The following CNBD1 variants were observed in gnomAD, a reference collection of about 807,000 sequenced individuals.
The protein encoded by CNBD1 is cyclic nucleotide-binding domain-containing protein 1.
CNBD1 carries 71 observed loss-of-function variants against 54.4 expected under a neutral mutation model. The ratio of observed to expected loss-of-function variants is 1.30; its 90% CI spans 1.08 to 1.59. CNBD1 has a LOEUF of 1.59. CNBD1 is among the 40% of genes most tolerant of loss of function. The probability of loss-of-function intolerance (pLI) is 0.00; values close to 1 mark genes in which losing one functional copy is unlikely to be tolerated. For missense variants in CNBD1, 659 were observed against 518.0 expected, an observed-to-expected ratio of 1.27 and a Z score of -2.64; for synonymous variants, 182 against 170.7, an observed-to-expected ratio of 1.07 and a Z score of -0.51.
chr8:87,362,776 T>C lies in CNBD1; in HGVS notation c.1303+8990T>C, dbSNP rs1274431173. Among the ~76,000 whole-genome samples, 4 of 152,230 alleles carry C rather than the reference T, an allele frequency of 2.6e-5. No individual in the cohort carries two copies. In the South Asian group the frequency reaches 6.2e-4, roughly 24 times the overall value. On this transcript the variant is annotated intron_variant, in intron 10 of 10. Transcript: ENST00000518476. The stretch of plus-strand genomic sequence containing the variant: ...TCCTTTTAGATACCAATTTTGCTTT[T>C]CCAAGTCAGGTACATATAACACTGC...
At position 87,122,619 on chromosome 8, in the gene CNBD1, A is replaced by G. The variant is rs73693039; in HGVS notation, c.432-83374A>G. Among the ~76,000 whole-genome samples the G allele has an allele frequency of 6.5e-3, 988 of 151,920 alleles. 12 individuals are homozygous for G. The highest frequency in any genetic ancestry group is 0.023 in the African/African-American group (948 of 41,522). On this transcript the variant is annotated intron_variant, in intron 4 of 10. Transcript: ENST00000518476. ...GCCAAAAAAACTGTTGCCCAGACCA[A>G]TGTCATTTAGCATTCCAGGCCAATG...
At chr8:87,227,022 G>T (rs1489628076) in intron 5 of CNBD1, among the ~76,000 whole-genome samples, 1 of 150,588 alleles carries the variant, frequency 6.6e-6, no homozygotes, top group South Asian at 2.1e-4. Context: ...TTTGATCTTT[G>T]TTGGTTTGAA....
intron 4 of CNBD1, among the ~76,000 whole-genome samples, chr8:87,059,769 G>A: frequency 6.6e-6 from 1 of 152,198 alleles, no homozygotes; most frequent in Non-Finnish European, 1.5e-5. Context: ...TTAGATTTTG[G>A]CGTGGGCACA....
intron 8 of CNBD1, among the ~76,000 whole-genome samples, chr8:87,324,107 A>T (rs1809606755): frequency 8.1e-6 from 1 of 124,114 alleles, no homozygotes; most frequent in African/African-American, 3.0e-5. Context: ...GATTACATTT[A>T]TTGATTTGCC....
chr8:87,002,576 T>A (rs1371813735), intron 4 of CNBD1, among the ~76,000 whole-genome samples: 1 of 151,198 alleles, frequency 6.6e-6, no homozygotes, highest in African/African-American at 2.4e-5. Context: ...TTACTCTTAC[T>A]CATGCTGAAA....
intron 4 of CNBD1, among the ~76,000 whole-genome samples, chr8:86,942,368 C>A (rs1807341101): frequency 6.6e-6 from 1 of 152,176 alleles, no homozygotes; most frequent in Non-Finnish European, 1.5e-5. Flanking sequence ...TTTATCTGGT[C>A]CTCTGCTCAG....
intron 4 of CNBD1, among the ~76,000 whole-genome samples, chr8:86,971,311 TCA>T (rs1035411087): frequency 5.3e-5 from 8 of 152,096 alleles, no homozygotes; most frequent in African/African-American, 1.9e-4. Flanking sequence ...TTGTGAGAAC[TCA>T]CTCACTATTA....
intron 4 of CNBD1, among the ~76,000 whole-genome samples, chr8:86,996,550 G>C (rs1171437800): frequency 2.0e-5 from 3 of 152,164 alleles, no homozygotes; most frequent in African/African-American, 4.8e-5. Context: ...ATAGTAGCAG[G>C]CTGAATATTA....
rs548326655 is a variant in CNBD1 at position 87,266,521 on chromosome 8, G to A, written c.772-18157G>A. 3.7e-3 allele frequency among the ~76,000 whole-genome samples: 487 copies of A among 130,196 alleles called. 3 individuals are homozygous for A. The highest frequency in any genetic ancestry group is 0.013 in the African/African-American group (460 of 34,198). The allele number at this position is 130,196 out of a possible 152,430, so 85.4% of individuals were successfully genotyped here. A position where few individuals can be genotyped will look rare whatever the true frequency, so the allele number is the denominator to read the frequency against. On this transcript the variant is annotated intron_variant, in intron 6 of 10. Transcript: ENST00000518476. Reference sequence around the variant, plus strand: ...GGCTGCAGTGCAATGGCACTATGTCGGCTCACTGCAACCTCCGCCTCCCAG... The same window carrying A: ...GGCTGCAGTGCAATGGCACTATGTCAGCTCACTGCAACCTCCGCCTCCCAG...
intron 4 of CNBD1, among the ~76,000 whole-genome samples, chr8:87,013,658 GA>G (rs1809271587): frequency 6.7e-6 from 1 of 148,944 alleles, no homozygotes. Context: ...TTGCAAGCCA[GA>G]AAATTTATAT....
chr8:87,310,933 A>G (rs903584108), intron 8 of CNBD1, among the ~76,000 whole-genome samples: 4 of 152,126 alleles, frequency 2.6e-5, no homozygotes, highest in Admixed American at 6.6e-5. Context: ...TCTTTTCACC[A>G]TATATAAAAA....
At chr8:87,247,358 C>G (rs1041162202) in intron 6 of CNBD1, among the ~76,000 whole-genome samples, 1 of 152,162 alleles carries the variant, frequency 6.6e-6, no homozygotes, top group African/African-American at 2.4e-5. Context: ...TGATCACGCA[C>G]CAGCTCTGAG....
At chr8:87,427,329 G>T (rs1047541977) in intron 2 of CNBD1, among the ~76,000 whole-genome samples, 1 of 152,112 alleles carries the variant, frequency 6.6e-6, no homozygotes, top group Non-Finnish European at 1.5e-5. Context: ...CTGTCATTTA[G>T]AGCAGTATGT....
At chr8:87,067,655 T>C (rs1810681660) in intron 4 of CNBD1, among the ~76,000 whole-genome samples, 1 of 151,980 alleles carries the variant, frequency 6.6e-6, no homozygotes, top group Non-Finnish European at 1.5e-5. Context: ...CTTTTAGAGA[T>C]TTTAGAACAT....
chr8:87,053,634 G>A (rs1475709955), intron 4 of CNBD1, among the ~76,000 whole-genome samples: 3 of 152,102 alleles, frequency 2.0e-5, no homozygotes, highest in South Asian at 2.1e-4. Context: ...CATGGATCCC[G>A]AGGAGCTAGT....
intron 3 of CNBD1, among the ~76,000 whole-genome samples, chr8:86,914,337 G>C (rs960303718): frequency 6.6e-6 from 1 of 152,122 alleles, no homozygotes; most frequent in South Asian, 2.1e-4. Flanking sequence ...TCCGTTCAGG[G>C]TCCCTGACTT....
intron 4 of CNBD1, among the ~76,000 whole-genome samples, chr8:87,190,676 T>A (rs1319423699): frequency 1.3e-5 from 2 of 152,012 alleles, no homozygotes; most frequent in Non-Finnish European, 2.9e-5. Flanking sequence ...ATGTGTCACT[T>A]TGAAGGCCCT....
At position 87,336,980 on chromosome 8, in the gene CNBD1, G is replaced by A. The variant is rs182071217; in HGVS notation, c.1043-14705G>A. On this transcript the variant is annotated intron_variant, in intron 8 of 10. Transcript: ENST00000518476. ...TCTGTAGGGCTGCTGCGGTTTGCTG[G>A]GGGTTCACTTCAGGTCCTATTCATC... 4.6e-5 allele frequency among the ~76,000 whole-genome samples: 7 copies of A among 152,142 alleles called. No individual in the cohort carries two copies. In the East Asian group the frequency reaches 1.4e-3, roughly 29 times the overall value.
chr8:87,102,249 G>T (rs1811444079), intron 4 of CNBD1, among the ~76,000 whole-genome samples: 1 of 152,072 alleles, frequency 6.6e-6, no homozygotes, highest in Non-Finnish European at 1.5e-5. Context: ...TAAGAAAGAG[G>T]AGACTTGGAG....
Sources: allele counts gnomAD v4.1 joint callset (sites outside exome capture counted in the v4.1 genomes callset), GRCh38; gene constraint gnomAD v4.1.1; transcripts MANE v1.5; gene names NCBI Gene and HGNC (gene_info 2026-07-23, HGNC 2026-07-21).